CREB5: variants seen among roughly 807,000 people sequenced by gnomAD.
The protein encoded by CREB5 is cAMP responsive element binding protein 5, also known as cyclic AMP-responsive element-binding protein 5.
A neutral mutation model predicts 57.1 loss-of-function variants in CREB5; 19 were observed. The observed-to-expected ratio is 0.33, with a 90% CI of 0.23 to 0.49. CREB5 has a LOEUF of 0.49. CREB5 is among the 20% of genes least tolerant of loss of function. The pLI, the probability that CREB5 is intolerant of heterozygous loss-of-function variation, is 0.99. For synonymous variants in CREB5, 238 were observed against 238.3 expected (o/e 1.00, Z 0.01); for missense variants, 579 against 671.6 (o/e 0.86, Z 1.52).
chr7:28,491,543 T>G (rs1791810043), intron 2 of CREB5, among the ~76,000 whole-genome samples: 1 of 152,198 alleles, frequency 6.6e-6, no homozygotes, highest in African/African-American at 2.4e-5. Context: ...TTGACAAAGT[T>G]TCTTGATTTT....
intron 1 of CREB5, among the ~76,000 whole-genome samples, chr7:28,363,888 A>G (rs1786535814): frequency 6.6e-6 from 1 of 152,236 alleles, no homozygotes; most frequent in African/African-American, 2.4e-5. Context: ...ATATTAATGT[A>G]TCATATTCCA....
At chr7:28,487,315 G>A (rs1024542573) in intron 1 of CREB5, among the ~76,000 whole-genome samples, 2 of 152,090 alleles carry the variant, frequency 1.3e-5, no homozygotes, top group African/African-American at 2.4e-5. Context: ...CAACATTAGC[G>A]ATCCTCCTGC....
chr7:28,494,139 T>C (rs1791919253), intron 2 of CREB5, among the ~76,000 whole-genome samples: 1 of 152,244 alleles, frequency 6.6e-6, no homozygotes. Flanking sequence ...GTGTAAAACA[T>C]TAACTACATT....
At chr7:28,775,566 T>TATATATATATATATATATATATA (rs1396993277) in intron 7 of CREB5, among the ~76,000 whole-genome samples, 1 of 82,546 alleles carries the variant, frequency 1.2e-5, no homozygotes. Flanking sequence ...ATATATATAT[T>TATATATATATATATATATATATA]AGCGTATTTT....
At chr7:28,789,903 G>A (rs1807563067) in intron 7 of CREB5, among the ~76,000 whole-genome samples, 1 of 152,140 alleles carries the variant, frequency 6.6e-6, no homozygotes, top group Admixed American at 6.5e-5. Context: ...AAGAGAATGA[G>A]AATATGCCTC....
chr7:28,555,770 C>T (rs1312154801), intron 4 of CREB5, among the ~76,000 whole-genome samples: 2 of 152,196 alleles, frequency 1.3e-5, no homozygotes, highest in Admixed American at 1.3e-4. Context: ...AATTCACTTA[C>T]TGAAAGCTCC....
rs139488252 is a variant in CREB5, at chr7:28,719,030, G to C, written c.591+151G>C. 41 of 1,238,686 alleles carry C rather than the reference G, an allele frequency of 3.3e-5. No homozygotes were observed. The African/African-American group carries it at 5.1e-4, about 16-fold the overall frequency. The allele number at this position is 1,238,686 out of a possible 1,614,324, so 76.7% of individuals were successfully genotyped here. On this transcript the variant is annotated intron_variant, in intron 6 of 10. Transcript: ENST00000357727. ...GTTGAGCTGTGTGCAATTTTGCTTT[G>C]AGGGCCCAGTTGCCCATCCCCAGGC...
chr7:28,782,099 A>G (rs1807022067), intron 7 of CREB5, among the ~76,000 whole-genome samples: 1 of 128,834 alleles, frequency 7.8e-6, no homozygotes, highest in African/African-American at 3.0e-5. Context: ...TTTTAAATTG[A>G]GCAGTTGTTT....
At chr7:28,621,205 T>G (rs1797778221) in intron 5 of CREB5, among the ~76,000 whole-genome samples, 1 of 151,214 alleles carries the variant, frequency 6.6e-6, no homozygotes, top group Admixed American at 6.6e-5. Flanking sequence ...GGGGTGGGGG[T>G]CACAGGGCAT....
In CREB5 at chr7:28,498,095, A is replaced by T. The variant is rs530369601; in HGVS notation, c.169+3096A>T. Among the ~76,000 whole-genome samples, 4 of 152,236 alleles carry T rather than the reference A, an allele frequency of 2.6e-5. No homozygotes were observed. The South Asian group carries it at 8.3e-4, about 32-fold the overall frequency. ...TTTTTTTTCTTAAAAGATTGCTAGA[A>T]CTCACACTAAAGCCTTCTGGTCCTG... On this transcript the variant is annotated intron_variant, in intron 3 of 10. Transcript: ENST00000357727.
At position 28,338,780 on chromosome 7, in the gene CREB5, G is replaced by A. The variant is rs186128352; in HGVS notation, c.-25+39339G>A. Among the ~76,000 whole-genome samples the A allele has an allele frequency of 1.3e-3, 202 of 151,896 alleles. 1 individual carries two copies. The highest frequency in any genetic ancestry group is 6.2e-4 in the Non-Finnish European group (42 of 67,944). ...GTTGCCCTTTTGAGGTTATTTTCTC[G>A]ATCTGGTAGACATGCTTCATTCTTT... is the stretch of plus-strand genomic sequence containing the variant. On this transcript the variant is annotated intron_variant, in intron 1 of 9. Transcript: ENST00000396299.
intron 4 of CREB5, among the ~76,000 whole-genome samples, chr7:28,536,655 A>G (rs1239758472): frequency 6.6e-6 from 1 of 152,228 alleles, no homozygotes; most frequent in Non-Finnish European, 1.5e-5. Context: ...TTTTGATAGC[A>G]TTAGTGCCTT....
At chr7:28,540,232 C>A (rs886985584) in intron 4 of CREB5, among the ~76,000 whole-genome samples, 2 of 152,174 alleles carry the variant, frequency 1.3e-5, no homozygotes, top group Admixed American at 6.5e-5. Context: ...TGTAAATCCA[C>A]AATTTGAAAT....
upstream of CREB5, chr7:28,410,092 C>T (rs1467836916): frequency 5.0e-6 from 2 of 398,100 alleles, no homozygotes; most frequent in South Asian, 1.9e-5. Flanking sequence ...AGGGGGCTCG[C>T]TCTCCCCGGT....
rs1478755188 is a variant in CREB5, at chr7:28,733,408, C to G, written c.702+9076C>G. On this transcript the variant is annotated intron_variant, in intron 7 of 10. Coordinates refer to ENST00000357727, the MANE Select transcript of CREB5 (RefSeq NM_182898.4). ...TTCTCCTCCACTCATCTCTGCACAC[C>G]ATGATCTCGCTCCAGGACCCCCTCT... is the stretch of plus-strand genomic sequence containing the variant. 3.3e-5 allele frequency among the ~76,000 whole-genome samples: 5 copies of G among 152,294 alleles called. 1 individual carries two copies. The highest frequency in any genetic ancestry group is 4.1e-4 in the South Asian group (2 of 4,820).
chr7:28,311,057 G>T (rs1785267049), intron 1 of CREB5, among the ~76,000 whole-genome samples: 1 of 151,224 alleles, frequency 6.6e-6, no homozygotes. Context: ...ACTTTGGGAG[G>T]CTGAGGCAGG....
intron 7 of CREB5, among the ~76,000 whole-genome samples, chr7:28,753,553 C>G (rs775222786): frequency 4.6e-5 from 7 of 152,152 alleles, no homozygotes; most frequent in African/African-American, 7.2e-5. Flanking sequence ...AGAAAATTAG[C>G]AGTAATTCCA....
intron 7 of CREB5, among the ~76,000 whole-genome samples, chr7:28,727,050 TG>T (rs1803371388): frequency 6.6e-6 from 1 of 151,774 alleles, no homozygotes; most frequent in South Asian, 2.1e-4. Flanking sequence ...GCAAACCCAG[TG>T]CCTTTATCAA....
chr7:28,508,276 A>G (rs1392075045), intron 4 of CREB5, among the ~76,000 whole-genome samples: 1 of 152,222 alleles, frequency 6.6e-6, no homozygotes, highest in Non-Finnish European at 1.5e-5. Flanking sequence ...ATTTTGTGAA[A>G]CCCTTAAGAA....
Sources: gnomAD v4.1 joint callset for allele counts (sites outside exome capture counted in the v4.1 genomes callset) on GRCh38, gnomAD v4.1.1 for gene constraint, MANE v1.5 for transcripts, NCBI Gene and HGNC (gene_info 2026-07-23, HGNC 2026-07-21) for gene names.